Variants in GRM5 observed in about 807,000 individuals in gnomAD.
GRM5 encodes glutamate metabotropic receptor 5, also known as metabotropic glutamate receptor 5.
In GRM5, 19 loss-of-function variants were observed where a neutral mutation model predicts 83.1. That is an observed-to-expected ratio of 0.23 (90% CI 0.16 to 0.34). The LOEUF is 0.34. GRM5 is among the 10% of genes least tolerant of loss of function. The pLI is 1.00. For synonymous variants in GRM5, 675 were observed against 633.6 expected (o/e 1.07, Z -0.98); for missense variants, 1,160 against 1,588.3 (o/e 0.73, Z 4.58).
chr11:88,731,773 T>C (rs1380607624), intron 3 of GRM5, among the ~76,000 whole-genome samples: 2 of 151,940 alleles, frequency 1.3e-5, no homozygotes, highest in African/African-American at 4.8e-5. Flanking sequence ...TCAAGAGTAG[T>C]TTACCAAAAC....
In GRM5 at chr11:88,699,631, TCTTA is replaced by T. The variant is rs1324564366; in HGVS notation, c.912-46232_912-46229del. Among the ~76,000 whole-genome samples, 5 of 152,158 alleles carry T rather than the reference TCTTA, an allele frequency of 3.3e-5. No individual in the cohort carries two copies. The East Asian group carries it at 9.6e-4, about 29-fold the overall frequency. On this transcript the variant is annotated intron_variant, in intron 3 of 9. Coordinates refer to ENST00000305447, the MANE Select transcript of GRM5 (RefSeq NM_001143831.3). ...ATATGTACAAGTATAAAAGCTGCCC[TCTTA>T]CTTCAAATAGAGACAACTCTGGAGG...
intron 3 of GRM5, among the ~76,000 whole-genome samples, chr11:88,721,714 T>C (rs1331040744): frequency 1.3e-5 from 2 of 152,122 alleles, no homozygotes; most frequent in Admixed American, 6.6e-5. Context: ...ATCCTATCTA[T>C]GAACTCACTT....
chr11:88,964,679 C>T (rs889511324), intron 2 of GRM5, among the ~76,000 whole-genome samples: 1 of 152,126 alleles, frequency 6.6e-6, no homozygotes, highest in Admixed American at 6.6e-5. Flanking sequence ...AGTGCTGTAA[C>T]TTGGCACATC....
At chr11:88,536,550 C>A (rs1408779688) in intron 8 of GRM5, among the ~76,000 whole-genome samples, 1 of 152,166 alleles carries the variant, frequency 6.6e-6, no homozygotes, top group Non-Finnish European at 1.5e-5. Context: ...ATCCACTCCC[C>A]CTTTGTACCA....
intron 7 of GRM5, among the ~76,000 whole-genome samples, chr11:88,577,863 G>C (rs1943145277): frequency 6.6e-6 from 1 of 152,116 alleles, no homozygotes; most frequent in African/African-American, 2.4e-5. Flanking sequence ...TGATAGTTCA[G>C]ATGGGGAATT....
chr11:88,764,692 G>A (rs944848482), intron 3 of GRM5, among the ~76,000 whole-genome samples: 1 of 151,520 alleles, frequency 6.6e-6, no homozygotes, highest in Non-Finnish European at 1.5e-5. Context: ...AAAATTATGG[G>A]ATGCAGCAAA....
At chr11:88,924,440 A>C (rs1565294452) in intron 2 of GRM5, among the ~76,000 whole-genome samples, 1 of 152,240 alleles carries the variant, frequency 6.6e-6, no homozygotes. Context: ...TTGTTATTTT[A>C]TATATACATA....
intron 2 of GRM5, among the ~76,000 whole-genome samples, chr11:88,996,234 T>C (rs755870747): frequency 7.2e-5 from 11 of 152,226 alleles, no homozygotes; most frequent in Non-Finnish European, 1.6e-4. Flanking sequence ...TCTTTATCTC[T>C]GAAATCCATG....
chr11:88,725,656 G>C (rs1001223051), intron 3 of GRM5, among the ~76,000 whole-genome samples: 5 of 152,108 alleles, frequency 3.3e-5, no homozygotes, highest in Non-Finnish European at 5.9e-5. Flanking sequence ...CATCTGGTGG[G>C]TACCCCTATG....
intron 3 of GRM5, among the ~76,000 whole-genome samples, chr11:88,684,650 C>T (rs913219035): frequency 3.3e-5 from 5 of 152,150 alleles, no homozygotes; most frequent in African/African-American, 1.2e-4. Context: ...TGTGTCCCCA[C>T]CCAAATTGTA....
At chr11:88,738,723 C>T (rs1048260845) in intron 3 of GRM5, among the ~76,000 whole-genome samples, 9 of 152,216 alleles carry the variant, frequency 5.9e-5, no homozygotes, top group Admixed American at 5.9e-4. Flanking sequence ...CATTATCCTG[C>T]CCAAAAAACT....
Position 88,514,743 on chromosome 11 carries a change from AG to A in GRM5, c.2727-5240del, listed in dbSNP as rs779751848. 3.3e-5 allele frequency among the ~76,000 whole-genome samples: 5 copies of A among 152,318 alleles called. No individual in the cohort carries two copies. In the South Asian group the frequency reaches 6.2e-4, roughly 19 times the overall value. On this transcript the variant is annotated intron_variant, in intron 9 of 9. Transcript: ENST00000305447. Reference sequence around the variant, plus strand: ...AGAGAAAAAGTTGTTCACTGAGGAAAGAAGTTTCAAGGAAGGATTTGCAAAT... The same window carrying A: ...AGAGAAAAAGTTGTTCACTGAGGAAAAAGTTTCAAGGAAGGATTTGCAAAT...
At chr11:88,914,887 A>G (rs1945563639) in intron 2 of GRM5, among the ~76,000 whole-genome samples, 2 of 152,186 alleles carry the variant, frequency 1.3e-5, no homozygotes, top group African/African-American at 4.8e-5. Context: ...GAAAGTGCTC[A>G]TTGAATTATT....
chr11:88,775,675 T>C (rs968224201), intron 3 of GRM5, among the ~76,000 whole-genome samples: 1 of 152,236 alleles, frequency 6.6e-6, no homozygotes, highest in African/African-American at 2.4e-5. Context: ...ACATCTTTAT[T>C]TTTGCCTTCA....
intron 7 of GRM5, among the ~76,000 whole-genome samples, chr11:88,584,888 T>C (rs61901970): frequency 0.11 from 16,807 of 152,288 alleles, 1,237 homozygotes; most frequent in Non-Finnish European, 0.16. Context: ...TTTAGAACAT[T>C]GCCTGAGATG....
chr11:88,783,602 G>C (rs1341386582), intron 3 of GRM5, among the ~76,000 whole-genome samples: 3 of 151,978 alleles, frequency 2.0e-5, no homozygotes, highest in Non-Finnish European at 4.4e-5. Context: ...TTTTCCAAGA[G>C]TTTCACTTTT....
chr11:88,841,255 T>A (rs1944194733), intron 3 of GRM5, among the ~76,000 whole-genome samples: 1 of 152,184 alleles, frequency 6.6e-6, no homozygotes, highest in Non-Finnish European at 1.5e-5. Context: ...GTTTTCTTAA[T>A]GGTGTCTTGG....
intron 3 of GRM5, among the ~76,000 whole-genome samples, chr11:88,758,291 G>A (rs1942438685): frequency 6.6e-6 from 1 of 152,140 alleles, no homozygotes; most frequent in Non-Finnish European, 1.5e-5. Context: ...ATCACTGAGA[G>A]GCAGTAGTAC....
chr11:88,893,542 G>T, intron 2 of GRM5, among the ~76,000 whole-genome samples: 1 of 152,018 alleles, frequency 6.6e-6, no homozygotes, highest in Non-Finnish European at 1.5e-5. Context: ...TTTAGCCAAG[G>T]TTAACACTAA....
Sources: allele counts gnomAD v4.1 joint callset (sites outside exome capture counted in the v4.1 genomes callset), GRCh38; gene constraint gnomAD v4.1.1; transcripts MANE v1.5; gene names NCBI Gene and HGNC (gene_info 2026-07-23, HGNC 2026-07-21).